The following RREB1 variants were observed in gnomAD, a reference collection of about 807,000 sequenced individuals.
The protein encoded by RREB1 is ras-responsive element-binding protein 1.
In RREB1, 27 loss-of-function variants were observed where a neutral mutation model predicts 117.8. The ratio of observed to expected loss-of-function variants is 0.23; its 90% confidence interval spans 0.17 to 0.32. The LOEUF (loss-of-function observed/expected upper bound fraction) is 0.32. Among genes scored for constraint, RREB1 ranks in the 10% least tolerant of loss-of-function variants. The probability of loss-of-function intolerance (pLI) is 1.00; values close to 1 mark genes in which losing one functional copy is unlikely to be tolerated. For missense variants in RREB1, 2,577 were observed against 2,378.2 expected (o/e 1.08, Z -1.74); for synonymous variants, 1,298 against 1,026.7 (o/e 1.26, Z -5.05).
chr6:7,231,326 C>T lies in RREB1; in HGVS notation c.3227C>T (p.Ser1076Phe), dbSNP rs944325511. The T allele has an allele frequency of 5.0e-6, 8 of 1,610,200 alleles. No homozygotes were observed. The Admixed American group carries it at 5.0e-5, about 10-fold the overall frequency. The change falls in exon 10 of 13, where the codon TCC becomes TTC. Residue 1076 changes from serine (S) to phenylalanine (F), a missense_variant. Ser to Phe is a radical substitution (Grantham distance 155). Coordinates refer to ENST00000379938, the MANE Select transcript of RREB1 (RefSeq NM_001003699.4). ...ASIAQIISSVSSAPTLLKTKV... is the reference protein window; with the variant it reads ...ASIAQIISSVFSAPTLLKTKV... The stretch of plus-strand genomic sequence containing the variant: ...ATTGCCCAGATCATCTCATCTGTAT[C>T]CTCGGCCCCCACCCTGCTGAAAACC...
At chr6:7,234,375 C>T (rs908245794) in intron 10 of RREB1, among the ~76,000 whole-genome samples, 1 of 152,274 alleles carries the variant, frequency 6.6e-6, no homozygotes, top group East Asian at 1.9e-4. Context: ...CTCCCACCTC[C>T]CCCTGCTGTC....
chr6:7,200,601 C>A (rs746616400), intron 6 of RREB1, among the ~76,000 whole-genome samples: 14 of 152,224 alleles, frequency 9.2e-5, no homozygotes, highest in African/African-American at 2.2e-4. Flanking sequence ...ATTTGAAAAA[C>A]CTCTTGTGGC....
At chr6:7,150,638 C>G (rs1388508588) in intron 1 of RREB1, among the ~76,000 whole-genome samples, 4 of 152,180 alleles carry the variant, frequency 2.6e-5, no homozygotes, top group Non-Finnish European at 5.9e-5. Flanking sequence ...AATTCGTTGT[C>G]TGACTGTTAG....
chr6:7,161,648 T>A (rs989561580), intron 1 of RREB1, among the ~76,000 whole-genome samples: 1 of 152,226 alleles, frequency 6.6e-6, no homozygotes, highest in Non-Finnish European at 1.5e-5. Flanking sequence ...GTTATAGATA[T>A]TTATTTGTAG....
intron 6 of RREB1, among the ~76,000 whole-genome samples, chr6:7,196,670 T>G (rs1412061288): frequency 6.6e-6 from 1 of 152,180 alleles, no homozygotes; most frequent in African/African-American, 2.4e-5. Context: ...TTCCAACTTA[T>G]TTTGAGAAAG....
intron 1 of RREB1, among the ~76,000 whole-genome samples, chr6:7,156,624 C>T (rs1016911732): frequency 3.3e-5 from 5 of 152,172 alleles, no homozygotes; most frequent in Non-Finnish European, 7.4e-5. Flanking sequence ...TTTTGGAGAC[C>T]TGGTGCCCTT....
intron 8 of RREB1, among the ~76,000 whole-genome samples, chr6:7,219,635 G>A (rs1767122369): frequency 6.6e-6 from 1 of 152,192 alleles, no homozygotes; most frequent in Admixed American, 6.5e-5. Context: ...TATGCTGTGG[G>A]ATTTGGCTTG....
At chr6:7,186,398 C>T (rs1478806102) in intron 4 of RREB1, among the ~76,000 whole-genome samples, 1 of 152,188 alleles carries the variant, frequency 6.6e-6, no homozygotes, top group Non-Finnish European at 1.5e-5. Flanking sequence ...CAACCCCAGT[C>T]CCCCAGTGAC....
At chr6:7,176,404 G>A (rs535466600) in intron 1 of RREB1, among the ~76,000 whole-genome samples, 12 of 152,232 alleles carry the variant, frequency 7.9e-5, no homozygotes, top group East Asian at 1.9e-4. Flanking sequence ...TGCCCTTGAC[G>A]TTATTGGAAT....
At chr6:7,182,129 A>G (rs1488812048) in intron 4 of RREB1, 47 bp downstream of exon 4, 7 of 1,504,572 alleles carry the variant, frequency 4.7e-6, no homozygotes, top group Non-Finnish European at 5.5e-6. Context: ...TCAATCCATG[A>G]GAACATTGGG....
chr6:7,226,666 T>C lies in RREB1; in HGVS notation c.897+10T>C. 4.3e-6 allele frequency: 7 copies of C among 1,611,808 alleles called. No homozygotes were observed. Among genetic ancestry groups the C allele is most frequent in the Non-Finnish European group, 5.9e-6 (7 of 1,178,400 alleles). On this transcript the variant is annotated intron_variant, in intron 9 of 12. Transcript: ENST00000379938. ...TCCTCGCATTTCTCAGGTATTCTGA[T>C]CAGCCCATGGAAGCAACCAGCAACT...
chr6:7,112,702 CAGAAA>C (rs1172006513), intron 1 of RREB1, among the ~76,000 whole-genome samples: 3 of 152,172 alleles, frequency 2.0e-5, no homozygotes, highest in South Asian at 4.1e-4. Flanking sequence ...AGGCAGAATA[CAGAAA>C]AGAAAACTAC....
At chr6:7,161,083 G>C (rs936854456) in intron 1 of RREB1, among the ~76,000 whole-genome samples, 1 of 151,824 alleles carries the variant, frequency 6.6e-6, no homozygotes, top group African/African-American at 2.4e-5. Context: ...CTCTCGCCTC[G>C]GCCTTGCAAA....
At chr6:7,147,729 A>G (rs1342535862) in intron 1 of RREB1, among the ~76,000 whole-genome samples, 1 of 152,214 alleles carries the variant, frequency 6.6e-6, no homozygotes, top group East Asian at 1.9e-4. Context: ...TCTCTAAAGC[A>G]CATTCATAAT....
chr6:7,247,603 C>T (rs1310685243), intron 12 of RREB1, among the ~76,000 whole-genome samples: 2 of 152,190 alleles, frequency 1.3e-5, no homozygotes, highest in Non-Finnish European at 2.9e-5. Flanking sequence ...GTCCTGTGGC[C>T]TGGACGACAG....
chr6:7,108,394 C>T (rs1438639942), intron 1 of RREB1, among the ~76,000 whole-genome samples: 2 of 151,964 alleles, frequency 1.3e-5, no homozygotes, highest in Non-Finnish European at 2.9e-5. Context: ...AACCAGCTCC[C>T]AGCGCGAGCC....
rs1241679885 is a variant in RREB1 at position 7,231,168 on chromosome 6, G to A, written c.3069G>A (p.Leu1023=). 4 of 1,611,806 alleles carry A rather than the reference G, an allele frequency of 2.5e-6. No individual in the cohort carries two copies. The East Asian group carries it at 8.9e-5, about 36-fold the overall frequency. Residue 1023 remains leucine (L), a synonymous_variant, in exon 10 of 13, where the codon CTG becomes CTA. Coordinates refer to ENST00000379938, the MANE Select transcript of RREB1 (RefSeq NM_001003699.4). ...QLAVPIYSSA[L]VSSPPLVGSS... is the part of the protein sequence containing the mutation. ...CGGTCCCAATCTACTCCTCAGCCCT[G>A]GTCAGCAGCCCTCCACTCGTGGGCA... is the stretch of plus-strand genomic sequence containing the variant.
chr6:7,223,557 G>T (rs1242537816), intron 8 of RREB1, among the ~76,000 whole-genome samples: 1 of 55,728 alleles, frequency 1.8e-5, no homozygotes, highest in Non-Finnish European at 3.2e-5. Flanking sequence ...CAAAACTCTT[G>T]TCTCAAAAAA....
At chr6:7,205,220 C>T (rs1766207712) in intron 6 of RREB1, among the ~76,000 whole-genome samples, 1 of 152,166 alleles carries the variant, frequency 6.6e-6, no homozygotes, top group Non-Finnish European at 1.5e-5. Flanking sequence ...GGCCCCGACC[C>T]AGCGCTACCA....
Sources: gnomAD v4.1 joint callset for allele counts (sites outside exome capture counted in the v4.1 genomes callset) on GRCh38, gnomAD v4.1.1 for gene constraint, MANE v1.5 for transcripts, NCBI Gene and HGNC (gene_info 2026-07-23, HGNC 2026-07-21) for gene names.